The following ZFHX3 variants were observed in gnomAD, a reference collection of about 807,000 sequenced individuals.
The protein encoded by ZFHX3 is zinc finger homeobox protein 3.
In ZFHX3, 42 loss-of-function variants were observed where a neutral mutation model predicts 279.1. The ratio of observed to expected loss-of-function variants is 0.15; its 90% CI spans 0.12 to 0.19. The LOEUF (loss-of-function observed/expected upper bound fraction) is 0.19. Ranked by LOEUF, ZFHX3 falls within the 10% of genes least tolerant of loss-of-function variation. The pLI, the probability that ZFHX3 is intolerant of heterozygous loss-of-function variation, is 1.00. For synonymous variants in ZFHX3, 2,293 were observed against 1,957.8 expected, an observed-to-expected ratio of 1.17 and a Z score of -4.52; for missense variants, 4,981 against 4,754.0, an observed-to-expected ratio of 1.05 and a Z score of -1.40.
At chr16:73,004,263 C>A (rs1332310906) in intron 1 of ZFHX3, among the ~76,000 whole-genome samples, 1 of 147,346 alleles carries the variant, frequency 6.8e-6, no homozygotes, top group Non-Finnish European at 1.5e-5. Flanking sequence ...CCTCAGCCTC[C>A]CAAAGTGCTA....
chr16:73,205,522 A>C (rs2011764719), intron 5 of ZFHX3, among the ~76,000 whole-genome samples: 1 of 152,210 alleles, frequency 6.6e-6, no homozygotes, highest in African/African-American at 2.4e-5. Flanking sequence ...AGAAAAAAGA[A>C]TCCTCAATAA....
At position 73,513,426 on chromosome 16, in the gene ZFHX3, A is replaced by G. The variant is rs182706384; in HGVS notation, c.-1546-57168T>C. ...ATCTGTTGCACTGACACCTCTCTCAATGCACACTAATTGTCCCAAGGTAGG... is the reference window on the plus strand; with the variant it reads ...ATCTGTTGCACTGACACCTCTCTCAGTGCACACTAATTGTCCCAAGGTAGG... On this transcript the variant is annotated intron_variant, in intron 2 of 17. Transcript: ENST00000641206. 5.7e-3 allele frequency among the ~76,000 whole-genome samples: 865 copies of G among 152,292 alleles called. 14 individuals are homozygous for G. The highest frequency in any genetic ancestry group is 0.02 in the African/African-American group (834 of 41,562).
intron 3 of ZFHX3, among the ~76,000 whole-genome samples, chr16:73,397,391 A>C (rs950663150): frequency 6.6e-6 from 1 of 152,178 alleles, no homozygotes; most frequent in East Asian, 1.9e-4. Flanking sequence ...GGTTGAGAGG[A>C]GGCAGAGGAA....
rs528613184 is a variant in ZFHX3, at chr16:73,031,797, C to T, written c.-50+15955G>A. 5.3e-5 allele frequency among the ~76,000 whole-genome samples: 8 copies of T among 152,166 alleles called. No homozygotes were observed. In the South Asian group the frequency reaches 1.0e-3, roughly 20 times the overall value. ...ACGGGCCCTCTGGCTGAAAAGAAGG[C>T]CCACTGTGACCCTTGCTAGAAGGAG... On this transcript the variant is annotated intron_variant, in intron 1 of 9. Coordinates refer to ENST00000268489, the MANE Select transcript of ZFHX3 (RefSeq NM_006885.4).
At chr16:73,436,265 A>G (rs931774038) in intron 3 of ZFHX3, among the ~76,000 whole-genome samples, 12 of 152,110 alleles carry the variant, frequency 7.9e-5, no homozygotes, top group Admixed American at 2.0e-4. Context: ...AGGTTGTGGT[A>G]AGCCAAGATC....
In ZFHX3 at chr16:73,481,614, TTG is replaced by T. The variant is rs200526377; in HGVS notation, c.-1546-25358_-1546-25357del. ...CCATGCCTGGTTAATGTGCGTGGTG[TTG>T]TTTTTTTGTTGTTGTTTGTTTGTTT... On this transcript the variant is annotated intron_variant, in intron 2 of 17. Transcript: ENST00000641206. Among the ~76,000 whole-genome samples the T allele has an allele frequency of 1.6e-4, 22 of 141,288 alleles. No individual in the cohort carries two copies. The South Asian group carries it at 2.3e-3, about 15-fold the overall frequency. The allele number at this position is 141,288 out of a possible 152,430, so 92.7% of individuals were successfully genotyped here. A position where few individuals can be genotyped will look rare whatever the true frequency, so the allele number is the denominator to read the frequency against.
chr16:73,040,343 CAGGAGGGGGTAG>C (rs1965066230), intron 1 of ZFHX3, among the ~76,000 whole-genome samples: 2 of 151,890 alleles, frequency 1.3e-5, no homozygotes, highest in African/African-American at 4.8e-5. Context: ...GGAGGCCGAG[CAGGAGGGGGTAG>C]AGGGGAGGCA....
At chr16:73,345,761 A>T (rs1261806550) in intron 3 of ZFHX3, among the ~76,000 whole-genome samples, 1 of 152,108 alleles carries the variant, frequency 6.6e-6, no homozygotes, top group African/African-American at 2.4e-5. Flanking sequence ...TACACCCAGT[A>T]ATGGGATGGC....
At chr16:73,587,758 T>C (rs2051942657) in intron 2 of ZFHX3, among the ~76,000 whole-genome samples, 1 of 152,232 alleles carries the variant, frequency 6.6e-6, no homozygotes, top group African/African-American at 2.4e-5. Context: ...TCAAATTTTA[T>C]TAAAATGAAA....
chr16:72,921,069 CAAAAAAAAAAAAAAA>C (rs57294537), intron 3 of ZFHX3, among the ~76,000 whole-genome samples: 4 of 23,572 alleles, frequency 1.7e-4, no homozygotes, highest in Non-Finnish European at 3.2e-4. Context: ...CAGACCTTGT[CAAAAAAAAAAAAAAA>C]AAAAAAAAAA....
chr16:73,557,963 T>A (rs1015882754), intron 2 of ZFHX3, among the ~76,000 whole-genome samples: 6 of 152,132 alleles, frequency 3.9e-5, no homozygotes, highest in African/African-American at 1.4e-4. Context: ...AAGCACGACA[T>A]CTCAGTCTGC....
intron 5 of ZFHX3, among the ~76,000 whole-genome samples, chr16:73,194,553 T>C (rs1298890172): frequency 6.6e-6 from 1 of 152,200 alleles, no homozygotes; most frequent in Non-Finnish European, 1.5e-5. Context: ...CAGTTTTGGA[T>C]ATAGTAAGGA....
chr16:73,873,256 G>A (rs1173791312), intron 1 of ZFHX3, among the ~76,000 whole-genome samples: 53 of 125,684 alleles, frequency 4.2e-4, no homozygotes, highest in East Asian at 9.4e-4. Context: ...GTTGGGTGGC[G>A]GTGGATGGTG....
intron 5 of ZFHX3, among the ~76,000 whole-genome samples, chr16:72,812,400 G>A (rs2036484534): frequency 6.6e-6 from 1 of 152,164 alleles, no homozygotes; most frequent in African/African-American, 2.4e-5. Flanking sequence ...GGGTGGGAAA[G>A]TCTCACCAAT....
intron 1 of ZFHX3, among the ~76,000 whole-genome samples, chr16:73,714,497 G>C (rs958399212): frequency 2.0e-5 from 3 of 152,062 alleles, no homozygotes; most frequent in Non-Finnish European, 2.9e-5. Context: ...TCTTCCTAAG[G>C]TATTTGTGTC....
intron 2 of ZFHX3, chr16:73,486,976 T>G: frequency 2.6e-6 from 1 of 382,050 alleles, no homozygotes; most frequent in South Asian, 1.9e-5. Context: ...GGTATATATG[T>G]GTTATGGCAT....
Position 72,795,905 on chromosome 16 carries a change from G to T in ZFHX3, c.6777C>A (p.Asp2259Glu). The T allele has an allele frequency of 6.2e-7, 1 of 1,614,164 alleles. No homozygotes were observed. Among genetic ancestry groups the T allele is most frequent in the Non-Finnish European group, 8.5e-7 (1 of 1,180,038 alleles). ...FTDYQLRVLQ[D>E]FFDANAYPKD... ...TTGGGTAAGCATTGGCATCGAAGAA[G>T]TCCTGTAAGACCCTCAGCTGGTAGT... Residue 2259 changes from aspartate to glutamate, a missense_variant, in exon 9 of 10, where the codon GAC (aspartate) becomes GAA (glutamate). By Grantham distance (45) the Asp-to-Glu change is conservative. Coordinates refer to ENST00000268489, the MANE Select transcript of ZFHX3 (RefSeq NM_006885.4).
At chr16:73,586,233 A>T (rs928304560) in intron 2 of ZFHX3, among the ~76,000 whole-genome samples, 3 of 152,164 alleles carry the variant, frequency 2.0e-5, no homozygotes, top group Non-Finnish European at 4.4e-5. Context: ...TGTTAAAAAT[A>T]AAAAAATCAG....
intron 7 of ZFHX3, among the ~76,000 whole-genome samples, chr16:73,125,835 C>A (rs936935797): frequency 9.2e-5 from 14 of 151,960 alleles, no homozygotes; most frequent in African/African-American, 3.4e-4. Context: ...TACACACACA[C>A]ACATATCTAT....
Sources: allele counts gnomAD v4.1 joint callset (sites outside exome capture counted in the v4.1 genomes callset), GRCh38; gene constraint gnomAD v4.1.1; transcripts MANE v1.5; gene names NCBI Gene and HGNC (gene_info 2026-07-23, HGNC 2026-07-21).